NLGN1: variants seen among roughly 807,000 people sequenced by gnomAD.
NLGN1 encodes the protein neuroligin 1, also known as neuroligin-1.
NLGN1 carries 12 observed loss-of-function variants against 65.5 expected under a neutral mutation model. The ratio of observed to expected loss-of-function variants is 0.18; its 90% CI spans 0.12 to 0.30. The LOEUF is 0.30. Ranked by LOEUF, NLGN1 falls within the 10% of genes least tolerant of loss-of-function variation. The pLI is 1.00. For synonymous variants in NLGN1, 350 were observed against 359.5 expected, an observed-to-expected ratio of 0.97 and a Z score of 0.30; for missense variants, 750 against 1,007.1, an observed-to-expected ratio of 0.74 and a Z score of 3.46.
At chr3:173,586,454 T>C (rs1381022513) in intron 2 of NLGN1, among the ~76,000 whole-genome samples, 1 of 152,208 alleles carries the variant, frequency 6.6e-6, no homozygotes, top group East Asian at 1.9e-4. Context: ...AAGATTAGTC[T>C]AACCAAACTT....
chr3:173,736,269 A>C (rs182517001), intron 3 of NLGN1, among the ~76,000 whole-genome samples: 1 of 152,222 alleles, frequency 6.6e-6, no homozygotes, highest in East Asian at 1.9e-4. Flanking sequence ...TCTTACTCAC[A>C]GAAGTGAAAT....
intron 2 of NLGN1, among the ~76,000 whole-genome samples, chr3:173,493,496 T>A (rs1433042186): frequency 2.0e-5 from 3 of 151,942 alleles, no homozygotes; most frequent in East Asian, 3.8e-4. Flanking sequence ...GGGTGATGTA[T>A]GTTAGTTAAT....
intron 2 of NLGN1, among the ~76,000 whole-genome samples, chr3:173,601,939 A>C (rs1000659137): frequency 3.3e-5 from 5 of 152,074 alleles, no homozygotes; most frequent in African/African-American, 4.8e-5. Context: ...ATACTTTTAC[A>C]GTTCAATTTT....
chr3:174,047,169 CCATAATTCACCATGAATTTAT>C (rs1017119365), intron 4 of NLGN1, among the ~76,000 whole-genome samples: 1 of 151,822 alleles, frequency 6.6e-6, no homozygotes, highest in Admixed American at 6.6e-5. Flanking sequence ...TATAATTTTA[CCATAATTCACCATGAATTTAT>C]CATAATTCAC....
At chr3:173,976,496 G>A (rs1445240124) in intron 4 of NLGN1, among the ~76,000 whole-genome samples, 1 of 152,036 alleles carries the variant, frequency 6.6e-6, no homozygotes, top group African/African-American at 2.4e-5. Flanking sequence ...AACCAATCAA[G>A]CTGGAGGTAA....
At chr3:173,762,676 A>G (rs1341720086) in intron 3 of NLGN1, among the ~76,000 whole-genome samples, 1 of 152,026 alleles carries the variant, frequency 6.6e-6, no homozygotes, top group Non-Finnish European at 1.5e-5. Context: ...ATAGTACCCA[A>G]GCGGCCTGAA....
chr3:173,754,565 T>C (rs1192368236), intron 3 of NLGN1, among the ~76,000 whole-genome samples: 1 of 152,148 alleles, frequency 6.6e-6, no homozygotes, highest in Non-Finnish European at 1.5e-5. Flanking sequence ...GATTTTTGGC[T>C]ATTTGTGCTG....
At chr3:173,526,327 CT>C (rs138736270) in intron 2 of NLGN1, among the ~76,000 whole-genome samples, 7 of 150,364 alleles carry the variant, frequency 4.7e-5, no homozygotes, top group South Asian at 2.1e-4. Flanking sequence ...CTTTCCTTGT[CT>C]TTTTTTTTAA....
chr3:174,293,833 TG>T, the NLGN1 span, among the ~76,000 whole-genome samples: 2 of 151,634 alleles, frequency 1.3e-5, no homozygotes, highest in East Asian at 3.9e-4. Flanking sequence ...AAGTGTTATT[TG>T]TATAGATTTT....
chr3:173,480,058 A>G (rs1727005098), intron 2 of NLGN1, among the ~76,000 whole-genome samples: 2 of 152,174 alleles, frequency 1.3e-5, no homozygotes, highest in African/African-American at 2.4e-5. Flanking sequence ...AGACAGTTGA[A>G]AAGATACTAG....
chr3:173,704,154 T>A (rs1767681331), intron 3 of NLGN1, among the ~76,000 whole-genome samples: 1 of 152,226 alleles, frequency 6.6e-6, no homozygotes, highest in South Asian at 2.1e-4. Context: ...GTGCAAAAAC[T>A]ACTTGGTTTG....
chr3:173,749,286 T>A (rs1319910827), intron 3 of NLGN1, among the ~76,000 whole-genome samples: 2 of 152,052 alleles, frequency 1.3e-5, no homozygotes, highest in African/African-American at 4.8e-5. Context: ...AAGTCATTTT[T>A]TATGATCAAA....
chr3:173,979,157 TGAG>T (rs1560767924), intron 4 of NLGN1, among the ~76,000 whole-genome samples: 1 of 151,836 alleles, frequency 6.6e-6, no homozygotes, highest in Non-Finnish European at 1.5e-5. Flanking sequence ...TAGAGTAAAT[TGAG>T]GAGTGAATGG....
chr3:173,413,847 G>C (rs554413765), intron 1 of NLGN1, among the ~76,000 whole-genome samples: 307 of 152,252 alleles, frequency 2.0e-3, no homozygotes, highest in African/African-American at 7.1e-3. Context: ...AAGGTTTCAA[G>C]AACCTTCTTC....
At chr3:173,760,951 T>G (rs1303830595) in intron 3 of NLGN1, among the ~76,000 whole-genome samples, 1 of 152,066 alleles carries the variant, frequency 6.6e-6, no homozygotes, top group Non-Finnish European at 1.5e-5. Context: ...AGCAGATGTT[T>G]ACCTAGAGCT....
chr3:173,758,680 C>CA (rs1475761843), intron 3 of NLGN1, among the ~76,000 whole-genome samples: 1 of 152,042 alleles, frequency 6.6e-6, no homozygotes, highest in East Asian at 1.9e-4. Flanking sequence ...TTTACATCGC[C>CA]AAAAATGCCC....
chr3:174,058,431 A>T (rs1033762425), intron 4 of NLGN1, among the ~76,000 whole-genome samples: 2 of 152,068 alleles, frequency 1.3e-5, no homozygotes, highest in Non-Finnish European at 2.9e-5. Context: ...ACTTTTACAG[A>T]TTGTAGAAAA....
intron 4 of NLGN1, among the ~76,000 whole-genome samples, chr3:173,944,612 A>G (rs1299090315): frequency 6.6e-6 from 1 of 152,184 alleles, no homozygotes; most frequent in African/African-American, 2.4e-5. Flanking sequence ...AAAAAGGATG[A>G]TTCCAATCAA....
intron 4 of NLGN1, among the ~76,000 whole-genome samples, chr3:173,834,912 G>A (rs1404831238): frequency 6.6e-6 from 1 of 152,178 alleles, no homozygotes; most frequent in African/African-American, 2.4e-5. Flanking sequence ...CTTCACATAA[G>A]AAGAGGCGTA....
Sources: gnomAD v4.1 joint callset for allele counts (sites outside exome capture counted in the v4.1 genomes callset) on GRCh38, gnomAD v4.1.1 for gene constraint, MANE v1.5 for transcripts, NCBI Gene and HGNC (gene_info 2026-07-23, HGNC 2026-07-21) for gene names.